Variants in INTS7 observed in about 807,000 individuals in gnomAD.
INTS7 encodes chromosome 1 open reading frame 73.
INTS7 carries 46 observed loss-of-function variants against 109.2 expected under a neutral mutation model. That is an observed-to-expected ratio of 0.42 (90% CI 0.33 to 0.54). The LOEUF is 0.54. Ranked by LOEUF, INTS7 falls within the 20% of genes least tolerant of loss-of-function variation. The probability of loss-of-function intolerance (pLI) is 0.07; values close to 1 mark genes in which losing one functional copy is unlikely to be tolerated. For synonymous variants in INTS7, 412 were observed against 402.9 expected, an observed-to-expected ratio of 1.02 and a Z score of -0.27; for missense variants, 929 against 1,132.4, an observed-to-expected ratio of 0.82 and a Z score of 2.58.
At chr1:212,024,150 A>C (rs1449030030) in intron 1 of INTS7, among the ~76,000 whole-genome samples, 1 of 152,022 alleles carries the variant, frequency 6.6e-6, no homozygotes, top group Non-Finnish European at 1.5e-5. Flanking sequence ...TGATGCCTTC[A>C]GTTTTGTTAG....
At chr1:212,007,197 A>G in intron 6 of INTS7, 53 bp downstream of exon 6, 1 of 1,225,202 alleles carries the variant, frequency 8.2e-7, no homozygotes, top group Non-Finnish European at 1.2e-6. Context: ...CTAATCATAT[A>G]TTTAATATGT....
Position 211,941,909 on chromosome 1 carries a change from T to C in INTS7, c.2804A>G (p.Tyr935Cys), listed in dbSNP as rs1553245945. 1.2e-6 allele frequency: 2 copies of C among 1,614,108 alleles called. No homozygotes were observed. The highest frequency in any genetic ancestry group is 1.7e-6 in the Non-Finnish European group (2 of 1,180,058). Residue 935 changes from tyrosine to cysteine, a missense_variant, in exon 20 of 20, where the codon TAT becomes TGT. Physicochemically the swap from Tyr to Cys is radical, Grantham distance 194. Coordinates refer to ENST00000366994, the MANE Select transcript of INTS7 (RefSeq NM_015434.4). ...TIFVKSLEDP[Y>C]SQQIRLQQQQ... ...CTGTTGTAAGCGAATTTGCTGGGAA[T>C]AAGGGTCTTCCAGGGATTTTACAAA...
At chr1:212,014,297 T>C (rs941598450) in intron 4 of INTS7, among the ~76,000 whole-genome samples, 3 of 151,780 alleles carry the variant, frequency 2.0e-5, no homozygotes, top group Non-Finnish European at 4.4e-5. Flanking sequence ...AAACCCCATC[T>C]TTACTAAAAA....
chr1:211,946,491 AC>A lies in INTS7; in HGVS notation c.2415+115del. The A allele has an allele frequency of 1.6e-6, 1 of 629,294 alleles. No homozygotes were observed. The highest frequency in any genetic ancestry group is 2.1e-5 in the South Asian group (1 of 48,032). The allele number at this position is 629,294 out of a possible 1,614,324, so 39.0% of individuals were successfully genotyped here. A position where few individuals can be genotyped will look rare whatever the true frequency, so the allele number is the denominator to read the frequency against. On this transcript the variant is annotated intron_variant, in intron 18 of 19. Transcript: ENST00000366994. This position sits in a 1 kb window ranked among gnomAD's most constrained non-coding sequence, Gnocchi z 4.3. ...ACTCTGTCTCAAAAAACAAAACAAA[AC>A]AAAAAAACCAATAAACCAAAGGTAA...
chr1:211,960,515 A>G (rs1663572910), intron 16 of INTS7, among the ~76,000 whole-genome samples: 3 of 152,338 alleles, frequency 2.0e-5, no homozygotes, highest in Middle Eastern at 3.4e-3. Flanking sequence ...GATCATCAAG[A>G]AGGAGGAATA....
chr1:212,015,710 T>TAAAAAAAAAAAAAA (rs58204818), intron 4 of INTS7, among the ~76,000 whole-genome samples: 1 of 34,978 alleles, frequency 2.9e-5, no homozygotes, highest in African/African-American at 1.2e-4. Flanking sequence ...CAATAAATAC[T>TAAAAAAAAAAAAAA]AAAAAAAAAA....
At chr1:211,986,776 T>C (rs931791358) in intron 8 of INTS7, among the ~76,000 whole-genome samples, 1 of 152,092 alleles carries the variant, frequency 6.6e-6, no homozygotes, top group South Asian at 2.1e-4. Flanking sequence ...ATTAGTTGAG[T>C]CCAAGCCACA....
At chr1:211,952,355 T>C (rs1663133258) in intron 17 of INTS7, 1 of 393,214 alleles carries the variant, frequency 2.5e-6, no homozygotes, top group African/African-American at 2.1e-5. Context: ...TATATTAATA[T>C]AACTACGTAG....
chr1:211,965,780 G>A (rs1045438007), intron 16 of INTS7, among the ~76,000 whole-genome samples: 5 of 152,120 alleles, frequency 3.3e-5, no homozygotes, highest in Non-Finnish European at 5.9e-5. Context: ...ACCACACACT[G>A]GGGCCTACCT....
At chr1:212,008,818 T>A (rs1205340970) in intron 5 of INTS7, among the ~76,000 whole-genome samples, 2 of 152,222 alleles carry the variant, frequency 1.3e-5, no homozygotes, top group African/African-American at 4.8e-5. Context: ...CCAAATGTAT[T>A]AGCAAATCTT....
rs1471888770 is a variant in INTS7, at chr1:211,944,838, A to T, written c.2547T>A (p.Ser849=). Residue 849 remains serine, a synonymous_variant, in exon 19 of 20, where the codon TCT becomes TCA. Transcript: ENST00000366994. ...GTGTGGAAGAAACATTCAGACAGAC[A>T]GACTGAATTTTGCGGAAGAGTCCTG... The part of the protein sequence containing the change: ...SKPGLFRKIQ[S]VCLNVSSTLQ... The T allele has an allele frequency of 6.2e-7, 1 of 1,614,126 alleles. No individual in the cohort carries two copies. The highest frequency in any genetic ancestry group is 1.7e-5 in the Admixed American group (1 of 60,028).
intron 16 of INTS7, among the ~76,000 whole-genome samples, chr1:211,960,699 G>T (rs557721360): frequency 6.6e-6 from 1 of 152,292 alleles, no homozygotes; most frequent in Non-Finnish European, 1.5e-5. Flanking sequence ...CCAAGCTGTG[G>T]AAAGAATCAC....
chr1:211,944,950 G>A lies in INTS7; in HGVS notation c.2435C>T (p.Pro812Leu), dbSNP rs1662789232. ...TSIKLALSPS[P>L]RNPAEPIAVQ... ...AGCAATGGGCTCTGCAGGATTCCGG[G>A]GCGATGGTGACAGAGCAAGCTGGAA... The change falls in exon 19 of 20, where the codon CCC becomes CTC. Residue 812 changes from proline (P) to leucine (L), a missense_variant. Pro to Leu is a moderately conservative substitution (Grantham distance 98). Around this residue, in one of 2 missense-constraint regions of INTS7, gnomAD observed 787 missense variants for 901.1 expected, o/e 0.87. Coordinates refer to ENST00000366994, the MANE Select transcript of INTS7 (RefSeq NM_015434.4). The A allele has an allele frequency of 1.2e-6, 2 of 1,613,948 alleles. No individual in the cohort carries two copies. The highest frequency in any genetic ancestry group is 1.3e-5 in the African/African-American group (1 of 75,020).
chr1:211,948,379 TG>T (rs938773537), intron 17 of INTS7, among the ~76,000 whole-genome samples: 2 of 152,232 alleles, frequency 1.3e-5, no homozygotes, highest in Non-Finnish European at 2.9e-5. Flanking sequence ...ACAAGTAATT[TG>T]GAAAGTATTT....
At chr1:211,953,878 T>C (rs1663234438) in intron 16 of INTS7, among the ~76,000 whole-genome samples, 1 of 152,166 alleles carries the variant, frequency 6.6e-6, no homozygotes, top group Non-Finnish European at 1.5e-5. Context: ...CATGTGTCTT[T>C]ATAGCAGCAT....
chr1:211,941,694 T>C lies in INTS7; in HGVS notation c.*130A>G, dbSNP rs1377137041. 2.9e-6 allele frequency: 4 copies of C among 1,389,074 alleles called. No individual in the cohort carries two copies. The African/African-American group carries it at 5.8e-5, about 20-fold the overall frequency. The allele number at this position is 1,389,074 out of a possible 1,614,324, so 86.0% of individuals were successfully genotyped here. A position where few individuals can be genotyped will look rare whatever the true frequency, so the allele number is the denominator to read the frequency against. ...TAAGAAAACAAAATTTTTTCCAGAA[T>C]ATTACATTACAAAAATCAATGAATA... On this transcript the variant is annotated 3_prime_UTR_variant, in exon 20 of 20. Transcript: ENST00000366994.
chr1:212,016,642 T>C (rs954526693), intron 4 of INTS7, among the ~76,000 whole-genome samples: 1 of 152,268 alleles, frequency 6.6e-6, no homozygotes, highest in Non-Finnish European at 1.5e-5. Flanking sequence ...TAATCTATGC[T>C]GATCCTGTCC....
At chr1:211,950,789 C>T (rs927485919) in intron 17 of INTS7, among the ~76,000 whole-genome samples, 2 of 152,184 alleles carry the variant, frequency 1.3e-5, no homozygotes, top group African/African-American at 4.8e-5. Context: ...TTTCTCTGTA[C>T]TGTGTCTTCT....
chr1:212,017,109 C>A, intron 3 of INTS7, 86 bp from the exon 4 acceptor site: 1 of 1,087,356 alleles, frequency 9.2e-7, no homozygotes, highest in Non-Finnish European at 1.3e-6. Context: ...GTCAGATTAT[C>A]AAAACTAAAG....
Sources: allele counts gnomAD v4.1 joint callset (sites outside exome capture counted in the v4.1 genomes callset), GRCh38; gene constraint gnomAD v4.1.1; regional missense constraint gnomAD v4.1.1; non-coding constraint Gnocchi (gnomAD v3.1); transcripts MANE v1.5; gene names NCBI Gene and HGNC (gene_info 2026-07-23, HGNC 2026-07-21).